RAB28: variants seen among roughly 807,000 people sequenced by gnomAD.
RAB28 encodes ras-related protein Rab-28.
Under a neutral mutation model 31.7 loss-of-function variants are expected in RAB28, and 24 were observed. The observed-to-expected ratio is 0.76, with a 90% CI of 0.55 to 1.06. The LOEUF is 1.06. RAB28 is among the 50% of genes least tolerant of loss of function. The pLI, the probability that RAB28 is intolerant of heterozygous loss-of-function variation, is 0.00. For synonymous variants in RAB28, 100 were observed against 90.4 expected (o/e 1.11, Z -0.60); for missense variants, 254 against 258.5 (o/e 0.98, Z 0.12).
At chr4:13,447,411 A>G (rs971165692) in intron 4 of RAB28, among the ~76,000 whole-genome samples, 6 of 152,032 alleles carry the variant, frequency 3.9e-5, no homozygotes, top group Non-Finnish European at 8.8e-5. Context: ...CCTTAGTTTC[A>G]TATTTCTGAA....
intron 2 of RAB28, among the ~76,000 whole-genome samples, chr4:13,474,727 G>GCACA (rs1313221199): frequency 6.6e-6 from 1 of 151,582 alleles, no homozygotes. Flanking sequence ...ACAGAATGAA[G>GCACA]CACATGTCCA....
chr4:13,368,793 T>C (rs967788104), intron 6 of RAB28, 143 bp from the exon 7 acceptor site: 23 of 650,150 alleles, frequency 3.5e-5, no homozygotes, highest in Non-Finnish European at 2.3e-5. Context: ...ATTAAAAGAA[T>C]AAGCCAGACA....
At position 13,376,538 on chromosome 4, in the gene RAB28, T is replaced by G. The variant is rs745919423; in HGVS notation, c.573+7A>C. ...AATTTTTTAAATATAAAGTTCAAGG[T>G]AATCACCTGTGACTGTTCTATTTCT... On this transcript the variant is annotated splice_region_variant and intron_variant, in intron 6 of 6. Coordinates refer to ENST00000330852, the MANE Select transcript of RAB28 (RefSeq NM_001017979.3). The G allele has an allele frequency of 5.1e-6, 8 of 1,576,964 alleles. No homozygotes were observed. The South Asian group carries it at 7.1e-5, about 14-fold the overall frequency.
intron 2 of RAB28, among the ~76,000 whole-genome samples, chr4:13,476,320 T>C (rs1336702942): frequency 4.6e-5 from 7 of 151,534 alleles, no homozygotes; most frequent in Admixed American, 2.0e-4. Flanking sequence ...GTGTTGAGGA[T>C]ACTTTTTAAA....
At chr4:13,465,745 G>T (rs1032470486) in intron 3 of RAB28, among the ~76,000 whole-genome samples, 3 of 140,032 alleles carry the variant, frequency 2.1e-5, no homozygotes, top group African/African-American at 5.9e-5. Flanking sequence ...AATAACCAAG[G>T]CAATCATGAA....
At chr4:13,438,913 A>G (rs534237828) in intron 4 of RAB28, among the ~76,000 whole-genome samples, 1 of 152,278 alleles carries the variant, frequency 6.6e-6, no homozygotes, top group African/African-American at 2.4e-5. Context: ...GAGGGTTCCA[A>G]GTTATCCACA....
intron 4 of RAB28, among the ~76,000 whole-genome samples, chr4:13,386,746 G>T (rs1040758746): frequency 6.6e-6 from 1 of 152,106 alleles, no homozygotes; most frequent in African/African-American, 2.4e-5. Flanking sequence ...CCATTACTGG[G>T]TATATACCCA....
chr4:13,426,897 G>C (rs1049528398), intron 4 of RAB28, among the ~76,000 whole-genome samples: 4 of 152,140 alleles, frequency 2.6e-5, no homozygotes, highest in African/African-American at 7.2e-5. Flanking sequence ...ATTTGATTCA[G>C]AGGATATAAC....
chr4:13,400,721 T>C (rs926011418), intron 4 of RAB28, among the ~76,000 whole-genome samples: 2 of 152,170 alleles, frequency 1.3e-5, no homozygotes, highest in East Asian at 1.9e-4. Context: ...ATTTATGAAG[T>C]TGAAGAAGTT....
chr4:13,462,700 C>T (rs1171245160), intron 3 of RAB28, among the ~76,000 whole-genome samples: 1 of 152,162 alleles, frequency 6.6e-6, no homozygotes, highest in African/African-American at 2.4e-5. Flanking sequence ...AGATCCCTTT[C>T]GCTTTAAATA....
chr4:13,385,081 T>C (rs958324390), intron 4 of RAB28, among the ~76,000 whole-genome samples: 3 of 152,122 alleles, frequency 2.0e-5, no homozygotes, highest in Admixed American at 6.5e-5. Context: ...AATAGCAGAA[T>C]AGATCAACCT....
chr4:13,484,327 T>G lies in RAB28; in HGVS notation c.-177A>C. ...CTCGGCAAGCGCCATCTTGCCCACC[T>G]CCCCGCCCTCTGCGCGCGGCCCCGC... On this transcript the variant is annotated 5_prime_UTR_variant, in exon 1 of 7. Coordinates refer to ENST00000330852, the MANE Select transcript of RAB28 (RefSeq NM_001017979.3). The G allele has an allele frequency of 3.5e-6, 2 of 570,714 alleles. No homozygotes were observed. The highest frequency in any genetic ancestry group is 6.4e-6 in the Non-Finnish European group (2 of 312,458). 35.4% of individuals were successfully genotyped at this position (570,714 alleles called of 1,614,324 possible).
chr4:13,439,751 G>A (rs1298127427), intron 4 of RAB28, among the ~76,000 whole-genome samples: 1 of 152,110 alleles, frequency 6.6e-6, no homozygotes, highest in African/African-American at 2.4e-5. Flanking sequence ...TTTAGATTCA[G>A]AGAACACATA....
At chr4:13,436,600 G>T (rs772030501) in intron 4 of RAB28, among the ~76,000 whole-genome samples, 27 of 152,016 alleles carry the variant, frequency 1.8e-4, no homozygotes, top group Non-Finnish European at 3.7e-4. Flanking sequence ...AATCAGATCT[G>T]CCATAGTAAC....
chr4:13,387,348 GT>G (rs1224451723), intron 4 of RAB28, among the ~76,000 whole-genome samples: 2 of 151,916 alleles, frequency 1.3e-5, no homozygotes, highest in Non-Finnish European at 2.9e-5. Flanking sequence ...TAATCAAATA[GT>G]CATAAAATTA....
chr4:13,390,279 C>G (rs1185753569), intron 4 of RAB28, among the ~76,000 whole-genome samples: 1 of 151,986 alleles, frequency 6.6e-6, no homozygotes, highest in Non-Finnish European at 1.5e-5. Flanking sequence ...AAACAGAGAG[C>G]CAAACCATGA....
intron 3 of RAB28, 114 bp from the exon 4 acceptor site, chr4:13,460,942 T>G (rs906815424): frequency 7.5e-6 from 7 of 933,976 alleles, no homozygotes; most frequent in Non-Finnish European, 9.5e-6. Flanking sequence ...TACAAATGTG[T>G]AGTGTTTTAT....
intron 6 of RAB28, chr4:13,369,853 TA>T (rs1560263631): frequency 1.3e-6 from 2 of 1,595,570 alleles, no homozygotes; most frequent in Admixed American, 3.5e-5. Flanking sequence ...CAAACTGTAA[TA>T]ATTTATCACT....
intron 4 of RAB28, among the ~76,000 whole-genome samples, chr4:13,403,991 A>G (rs901384116): frequency 2.0e-5 from 3 of 152,238 alleles, no homozygotes; most frequent in African/African-American, 7.2e-5. Flanking sequence ...GTAATGTAAC[A>G]AACTCTCAGA....
Sources: allele counts gnomAD v4.1 joint callset (sites outside exome capture counted in the v4.1 genomes callset), GRCh38; gene constraint gnomAD v4.1.1; transcripts MANE v1.5; gene names NCBI Gene and HGNC (gene_info 2026-07-23, HGNC 2026-07-21).